CCDC3: variants seen among roughly 807,000 people sequenced by gnomAD.
CCDC3 encodes the protein coiled-coil domain containing 3, also known as coiled-coil domain-containing protein 3.
In CCDC3, 24 loss-of-function variants were observed where a neutral mutation model predicts 21.4. The ratio of observed to expected loss-of-function variants is 1.12; its 90% CI spans 0.81 to 1.58. The LOEUF (loss-of-function observed/expected upper bound fraction) is 1.58. Among genes scored for constraint, CCDC3 ranks in the 40% most tolerant of loss-of-function variants. The pLI, the probability that CCDC3 is intolerant of heterozygous loss-of-function variation, is 0.00. For missense variants in CCDC3, 425 were observed against 360.9 expected (o/e 1.18, Z -1.44); for synonymous variants, 186 against 166.0 (o/e 1.12, Z -0.93).
chr10:12,934,693 TG>T (rs1834707287), intron 2 of CCDC3, among the ~76,000 whole-genome samples: 1 of 152,226 alleles, frequency 6.6e-6, no homozygotes, highest in Admixed American at 6.5e-5. Flanking sequence ...TATTACATAA[TG>T]GCCCTCTTTA....
intron 5 of CCDC3, among the ~76,000 whole-genome samples, chr10:13,024,963 A>G (rs1025655956): frequency 6.6e-6 from 1 of 152,184 alleles, no homozygotes; most frequent in Admixed American, 6.5e-5. Context: ...TCCTTCTGCC[A>G]GACTCAAAGC....
chr10:13,085,552 C>G lies in CCDC3; in HGVS notation c.-502-11452G>C, dbSNP rs79457472. On this transcript the variant is annotated intron_variant, in intron 3 of 6. Coordinates refer to the CCDC3 transcript ENST00000378839. The stretch of plus-strand genomic sequence containing the variant: ...TGTGGGGCTTTGTAATGCATATCAG[C>G]ATATTGAAGACCGTGGAAAGCAGTC... 2.1e-3 allele frequency among the ~76,000 whole-genome samples: 320 copies of G among 152,312 alleles called. 7 individuals are homozygous for G. In the East Asian group the frequency reaches 0.051, roughly 24 times the overall value.
At chr10:12,987,962 C>T (rs145153244) in intron 2 of CCDC3, among the ~76,000 whole-genome samples, 14 of 152,276 alleles carry the variant, frequency 9.2e-5, no homozygotes, top group African/African-American at 3.1e-4. Flanking sequence ...TCCCTGCTTC[C>T]GCTTTTGCCC....
At chr10:13,001,936 C>T (rs2131288973), upstream of CCDC3, among the ~76,000 whole-genome samples, 1 of 152,180 alleles carries the variant, frequency 6.6e-6, no homozygotes, top group Non-Finnish European at 1.5e-5. Flanking sequence ...CTCCTGGCGC[C>T]CCACGATGGA....
chr10:13,024,853 T>A (rs1244326262), intron 5 of CCDC3, among the ~76,000 whole-genome samples: 1 of 152,194 alleles, frequency 6.6e-6, no homozygotes, highest in Non-Finnish European at 1.5e-5. Context: ...TGCCAATACA[T>A]AACTTGGGTT....
rs114895532 is a variant in CCDC3 at position 12,912,122 on chromosome 10, T to C, written c.550-13443A>G. ...GTGAACATGGGAGTGTAGATATCTC[T>C]TCGACATACTGACTTTGGATGTATA... On this transcript the variant is annotated intron_variant, in intron 2 of 2. Transcript: ENST00000378825. 5.8e-3 allele frequency among the ~76,000 whole-genome samples: 879 copies of C among 152,238 alleles called. 10 individuals are homozygous for C. The highest frequency in any genetic ancestry group is 0.02 in the African/African-American group (832 of 41,550).
intron 2 of CCDC3, among the ~76,000 whole-genome samples, chr10:12,993,207 C>T (rs1835705570): frequency 6.6e-6 from 1 of 152,182 alleles, no homozygotes; most frequent in Non-Finnish European, 1.5e-5. Context: ...TTGCATCACT[C>T]TAGAAAGTGT....
At chr10:13,074,972 C>A (rs950400478) in intron 3 of CCDC3, among the ~76,000 whole-genome samples, 1 of 152,128 alleles carries the variant, frequency 6.6e-6, no homozygotes, top group African/African-American at 2.4e-5. Context: ...CCAAAGAGGA[C>A]CCGGTACATC....
intron 3 of CCDC3, among the ~76,000 whole-genome samples, chr10:13,098,164 A>C (rs1264659716): frequency 6.6e-6 from 1 of 151,806 alleles, no homozygotes; most frequent in Non-Finnish European, 1.5e-5. Flanking sequence ...GCAAGGAATC[A>C]GGAGAAAACA....
At chr10:12,938,417 G>T (rs1290178293) in intron 2 of CCDC3, among the ~76,000 whole-genome samples, 1 of 152,182 alleles carries the variant, frequency 6.6e-6, no homozygotes, top group Non-Finnish European at 1.5e-5. Flanking sequence ...TTCTCCTGTG[G>T]CTATCCCCAC....
At chr10:12,965,855 T>C (rs1010080593) in intron 2 of CCDC3, among the ~76,000 whole-genome samples, 2 of 152,242 alleles carry the variant, frequency 1.3e-5, no homozygotes, top group South Asian at 4.1e-4. Flanking sequence ...AAATGGCACA[T>C]GGAGAAGGTG....
chr10:13,010,904 G>A (rs550152215), intron 5 of CCDC3, among the ~76,000 whole-genome samples: 66 of 152,270 alleles, frequency 4.3e-4, no homozygotes, highest in African/African-American at 1.4e-3. Flanking sequence ...ACAAAGGGCC[G>A]GGCACAGCGG....
At chr10:13,077,528 C>T (rs1836981834) in intron 3 of CCDC3, among the ~76,000 whole-genome samples, 1 of 152,114 alleles carries the variant, frequency 6.6e-6, no homozygotes, top group South Asian at 2.1e-4. Context: ...TCATATGGAA[C>T]CAAAAAAGAG....
chr10:13,047,527 G>T (rs1836544647), intron 5 of CCDC3, among the ~76,000 whole-genome samples: 1 of 152,174 alleles, frequency 6.6e-6, no homozygotes, highest in African/African-American at 2.4e-5. Context: ...AAAGACTAAA[G>T]AAACCTGCTT....
At chr10:12,983,160 ATATATATATATATAAAATCTATAGCTC>A (rs1835532412) in intron 2 of CCDC3, among the ~76,000 whole-genome samples, 1 of 86,016 alleles carries the variant, frequency 1.2e-5, no homozygotes, top group African/African-American at 4.2e-5. Flanking sequence ...ATATATATAT[ATATATATATATATAAAATCTATAGCTC>A]TAAAGGTTTT....
At chr10:13,090,062 T>TC (rs1564345345) in intron 3 of CCDC3, among the ~76,000 whole-genome samples, 44 of 139,182 alleles carry the variant, frequency 3.2e-4, no homozygotes, top group East Asian at 6.1e-4. Context: ...TATATATATA[T>TC]ATATATATAT....
At chr10:12,901,456 G>A (rs996317218) in intron 2 of CCDC3, among the ~76,000 whole-genome samples, 3 of 152,006 alleles carry the variant, frequency 2.0e-5, no homozygotes, top group Non-Finnish European at 2.9e-5. Flanking sequence ...GGTATTTTTT[G>A]TAGAGATGGG....
chr10:12,898,800 A>C, intron 2 of CCDC3, 121 bp from the exon 3 acceptor site: 1 of 1,176,230 alleles, frequency 8.5e-7, no homozygotes, highest in Non-Finnish European at 1.2e-6. Context: ...TCCCCACCCC[A>C]GCATGGGCAT....
At chr10:13,092,788 A>T (rs1356418247) in intron 3 of CCDC3, among the ~76,000 whole-genome samples, 1 of 152,202 alleles carries the variant, frequency 6.6e-6, no homozygotes, top group Non-Finnish European at 1.5e-5. Context: ...AGATCTGATG[A>T]GACCAGCCGC....
Sources: allele counts gnomAD v4.1 joint callset (sites outside exome capture counted in the v4.1 genomes callset), GRCh38; gene constraint gnomAD v4.1.1; transcripts MANE v1.5; gene names NCBI Gene and HGNC (gene_info 2026-07-23, HGNC 2026-07-21).